ADAMTS17: variants seen among roughly 807,000 people sequenced by gnomAD.
The protein encoded by ADAMTS17 is A disintegrin and metalloproteinase with thrombospondin motifs 17.
In ADAMTS17, 113 loss-of-function variants were observed where a neutral mutation model predicts 141.5. The ratio of observed to expected loss-of-function variants is 0.80; its 90% CI spans 0.69 to 0.93. The LOEUF (loss-of-function observed/expected upper bound fraction) is 0.93. Among genes scored for constraint, ADAMTS17 ranks in the 40% least tolerant of loss-of-function variants. The pLI is 0.00. For synonymous variants in ADAMTS17, 768 were observed against 630.6 expected (o/e 1.22, Z -3.27); for missense variants, 1,659 against 1,517.9 (o/e 1.09, Z -1.54).
Position 100,015,885 on chromosome 15 carries a change from T to C in ADAMTS17, c.2592-18296A>G, listed in dbSNP as rs568340551. On this transcript the variant is annotated intron_variant, in intron 18 of 21. Coordinates refer to ENST00000268070, the MANE Select transcript of ADAMTS17 (RefSeq NM_139057.4). The stretch of plus-strand genomic sequence containing the variant: ...TGCGATGCATTTCCCACGTGTTCCT[T>C]GTGCTTCTTGTATTTGGATGTCTAG... 2.7e-4 allele frequency among the ~76,000 whole-genome samples: 41 copies of C among 152,348 alleles called. 3 individuals carry two copies. In the South Asian group the frequency reaches 8.3e-3, roughly 31 times the overall value.
chr15:100,244,072 G>T (rs906004165), intron 7 of ADAMTS17, among the ~76,000 whole-genome samples: 2 of 152,072 alleles, frequency 1.3e-5, no homozygotes, highest in African/African-American at 4.8e-5. Flanking sequence ...TCACAGTCAT[G>T]GCGGAAGGCA....
chr15:100,246,498 T>G (rs1372467592), intron 7 of ADAMTS17, among the ~76,000 whole-genome samples: 3 of 152,238 alleles, frequency 2.0e-5, no homozygotes, highest in African/African-American at 7.2e-5. Flanking sequence ...CAGATGAATT[T>G]GCTAAAGACT....
At chr15:100,075,096 A>C (rs2034275585) in intron 15 of ADAMTS17, among the ~76,000 whole-genome samples, 1 of 152,106 alleles carries the variant, frequency 6.6e-6, no homozygotes, top group Admixed American at 6.5e-5. Context: ...TGTGTAACTT[A>C]TGAGATGCAA....
At chr15:100,246,556 T>C (rs1352448711) in intron 7 of ADAMTS17, among the ~76,000 whole-genome samples, 1 of 152,216 alleles carries the variant, frequency 6.6e-6, no homozygotes, top group Admixed American at 6.5e-5. Flanking sequence ...AGCCTTCCCC[T>C]TTGTAACCTT....
At chr15:100,066,195 C>T (rs1051262627) in intron 15 of ADAMTS17, among the ~76,000 whole-genome samples, 4 of 152,232 alleles carry the variant, frequency 2.6e-5, no homozygotes, top group Admixed American at 2.6e-4. Context: ...CACGTGGGGA[C>T]ATTCTCTTTT....
chr15:100,129,758 G>C (rs1246475470), intron 12 of ADAMTS17: 1 of 141,918 alleles, frequency 7.0e-6, no homozygotes, highest in African/African-American at 2.6e-5. Context: ...AAAAAAAAAA[G>C]TTGTCATGCT....
At chr15:100,323,019 G>A (rs141689337) in intron 3 of ADAMTS17, among the ~76,000 whole-genome samples, 4,103 of 148,680 alleles carry the variant, frequency 0.028, 92 homozygotes, top group African/African-American at 0.051. Context: ...CCCGGGAGGC[G>A]GAGCTTGCAG....
chr15:100,022,605 A>T (rs1214855245), intron 18 of ADAMTS17, among the ~76,000 whole-genome samples: 1 of 152,200 alleles, frequency 6.6e-6, no homozygotes, highest in Non-Finnish European at 1.5e-5. Flanking sequence ...CCAGTAAATT[A>T]TGTAACGGAG....
chr15:100,320,446 T>G (rs2045698171), intron 3 of ADAMTS17, among the ~76,000 whole-genome samples: 1 of 152,194 alleles, frequency 6.6e-6, no homozygotes, highest in South Asian at 2.1e-4. Context: ...GGACCTTTTG[T>G]AACAAAAATA....
intron 8 of ADAMTS17, among the ~76,000 whole-genome samples, chr15:100,183,478 T>G (rs1288503569): frequency 6.6e-6 from 1 of 152,252 alleles, no homozygotes; most frequent in African/African-American, 2.4e-5. Context: ...ATTTTTTCAG[T>G]TCTATAATTT....
At chr15:100,138,203 A>G (rs1378129451) in intron 10 of ADAMTS17, among the ~76,000 whole-genome samples, 1 of 152,216 alleles carries the variant, frequency 6.6e-6, no homozygotes, top group Non-Finnish European at 1.5e-5. Context: ...TCTGGTTGAA[A>G]CAAATTTAAG....
At chr15:100,053,836 A>G in intron 16 of ADAMTS17, 61 bp downstream of exon 16, 4 of 1,613,434 alleles carry the variant, frequency 2.5e-6, no homozygotes, top group Non-Finnish European at 3.4e-6. Context: ...ACTGGAAAGT[A>G]ACCTAGTAGA....
intron 15 of ADAMTS17, among the ~76,000 whole-genome samples, chr15:100,068,737 C>G (rs966426195): frequency 6.6e-6 from 1 of 152,156 alleles, no homozygotes; most frequent in Non-Finnish European, 1.5e-5. Flanking sequence ...ATATCCACAC[C>G]AAAACCCCAT....
intron 14 of ADAMTS17, among the ~76,000 whole-genome samples, chr15:100,102,689 T>C (rs544913594): frequency 2.0e-5 from 3 of 152,178 alleles, no homozygotes; most frequent in Admixed American, 6.5e-5. Flanking sequence ...GCGAGGGAAA[T>C]TGACCTCTAA....
At chr15:100,103,824 C>T (rs1367976182) in intron 14 of ADAMTS17, among the ~76,000 whole-genome samples, 1 of 152,172 alleles carries the variant, frequency 6.6e-6, no homozygotes, top group East Asian at 1.9e-4. Context: ...AATCCACCTA[C>T]CTTGGCCTCT....
At chr15:100,120,966 C>G (rs1252696282) in intron 12 of ADAMTS17, among the ~76,000 whole-genome samples, 2 of 152,002 alleles carry the variant, frequency 1.3e-5, no homozygotes, top group Non-Finnish European at 2.9e-5. Context: ...AATGAAGGCA[C>G]AGATAAAGAC....
At chr15:99,999,503 G>A (rs1002734454) in intron 18 of ADAMTS17, among the ~76,000 whole-genome samples, 1 of 152,118 alleles carries the variant, frequency 6.6e-6, no homozygotes, top group African/African-American at 2.4e-5. Flanking sequence ...AAAGGCCCTG[G>A]TGGAGGGGCA....
chr15:100,012,302 T>C (rs568021616), intron 18 of ADAMTS17, among the ~76,000 whole-genome samples: 2 of 152,334 alleles, frequency 1.3e-5, no homozygotes, highest in East Asian at 1.9e-4. Flanking sequence ...TTGTCAAATG[T>C]ATACATCGTG....
intron 15 of ADAMTS17, among the ~76,000 whole-genome samples, chr15:100,078,395 G>A (rs530512931): frequency 7.9e-5 from 12 of 152,020 alleles, no homozygotes; most frequent in Non-Finnish European, 1.2e-4. Flanking sequence ...AAGGACAGTC[G>A]TTTCTAACAA....
Sources: allele counts gnomAD v4.1 joint callset (sites outside exome capture counted in the v4.1 genomes callset), GRCh38; gene constraint gnomAD v4.1.1; transcripts MANE v1.5; gene names NCBI Gene and HGNC (gene_info 2026-07-23, HGNC 2026-07-21).